Variants in CDH4 observed in about 807,000 individuals in gnomAD.
CDH4 encodes the protein cadherin-4.
In CDH4, 33 loss-of-function variants were observed where a neutral mutation model predicts 86.0. That is an observed-to-expected ratio of 0.38 (90% CI 0.29 to 0.51). The LOEUF (loss-of-function observed/expected upper bound fraction) is 0.51, where lower values mean the gene tolerates loss of function less well. CDH4 is among the 20% of genes least tolerant of loss of function. The pLI, the probability that CDH4 is intolerant of heterozygous loss-of-function variation, is 0.86. For synonymous variants in CDH4, 555 were observed against 549.4 expected, an observed-to-expected ratio of 1.01 and a Z score of -0.14; for missense variants, 1,114 against 1,307.4, an observed-to-expected ratio of 0.85 and a Z score of 2.28.
At chr20:61,565,639 G>A (rs78344014) in intron 2 of CDH4, among the ~76,000 whole-genome samples, 2,227 of 152,208 alleles carry the variant, frequency 0.015, 52 homozygotes, top group African/African-American at 0.051. Flanking sequence ...TCCAATGTCT[G>A]CATGCAGTTG....
At chr20:61,559,519 C>CTTTTTTTTTTTTTTTTTTTTTT (rs1156864328) in intron 2 of CDH4, among the ~76,000 whole-genome samples, 29 of 105,158 alleles carry the variant, frequency 2.8e-4, no homozygotes, top group Non-Finnish European at 3.6e-4. Flanking sequence ...ATTTTTTTTT[C>CTTTTTTTTTTTTTTTTTTTTTT]TTTTTTTTTT....
chr20:61,570,501 C>G, intron 2 of CDH4: 1 of 596,938 alleles, frequency 1.7e-6, no homozygotes, highest in Non-Finnish European at 3.0e-6. Context: ...AGCCCCTGCT[C>G]TCAAGGATGG....
chr20:61,881,398 G>A (rs1417057714), intron 7 of CDH4, among the ~76,000 whole-genome samples: 6 of 152,230 alleles, frequency 3.9e-5, no homozygotes, highest in South Asian at 2.1e-4. Context: ...GAGAGAAGCC[G>A]TGGCTGCGGA....
At chr20:61,634,739 G>C (rs934136479) in intron 2 of CDH4, among the ~76,000 whole-genome samples, 1 of 152,206 alleles carries the variant, frequency 6.6e-6, no homozygotes, top group Non-Finnish European at 1.5e-5. Flanking sequence ...TCACATAGCT[G>C]TGCGGACATC....
chr20:61,597,391 C>A (rs1216729526), intron 2 of CDH4, among the ~76,000 whole-genome samples: 3 of 152,220 alleles, frequency 2.0e-5, no homozygotes, highest in African/African-American at 7.2e-5. Flanking sequence ...TTGTGCCTGT[C>A]CCCACATCGT....
intron 2 of CDH4, among the ~76,000 whole-genome samples, chr20:61,670,132 C>T (rs1017914605): frequency 5.9e-5 from 9 of 152,202 alleles, no homozygotes; most frequent in Non-Finnish European, 8.8e-5. Flanking sequence ...AGTAGCTGGA[C>T]AGCATGGCTG....
chr20:61,742,129 A>C lies in CDH4; in HGVS notation c.170-1434A>C, dbSNP rs187226975. 6.4e-3 allele frequency among the ~76,000 whole-genome samples: 779 copies of C among 122,218 alleles called. 2 individuals are homozygous for C. Among genetic ancestry groups the C allele is most frequent in the Non-Finnish European group, 8.2e-3 (490 of 59,730 alleles). 80.2% of individuals were successfully genotyped at this position (122,218 alleles called of 152,430 possible). On this transcript the variant is annotated intron_variant, in intron 2 of 15. Coordinates refer to ENST00000614565, the MANE Select transcript of CDH4 (RefSeq NM_001794.5). Reference sequence around the variant, plus strand: ...CAGTTTGGAATTTTCCTGTCACTTCAAAAAAAAAAAATGTAATGATTCCGT... The same window carrying C: ...CAGTTTGGAATTTTCCTGTCACTTCCAAAAAAAAAAATGTAATGATTCCGT...
intron 4 of CDH4, among the ~76,000 whole-genome samples, chr20:61,820,802 T>C (rs935990209): frequency 6.6e-6 from 1 of 152,110 alleles, no homozygotes; most frequent in South Asian, 2.1e-4. Flanking sequence ...GCCCTGACCT[T>C]CAAACCTTCC....
chr20:61,376,376 C>T (rs1008619011), intron 2 of CDH4, among the ~76,000 whole-genome samples: 25 of 151,882 alleles, frequency 1.6e-4, no homozygotes, highest in Admixed American at 3.3e-4. Flanking sequence ...CAAGAGGAGC[C>T]GGAGCCATCT....
rs2054783744 is a variant in CDH4 at position 61,905,936 on chromosome 20, A to G, written c.1189-4486A>G. 2.6e-5 allele frequency among the ~76,000 whole-genome samples: 4 copies of G among 152,016 alleles called. No homozygotes were observed. In the South Asian group the frequency reaches 8.3e-4, roughly 32 times the overall value. ...TCTTGGAAAATCTCTCCCTTCAGGCATGGCTGGATCTAGGCTCCACCAGCT... is the reference window on the plus strand; with the variant it reads ...TCTTGGAAAATCTCTCCCTTCAGGCGTGGCTGGATCTAGGCTCCACCAGCT... On this transcript the variant is annotated intron_variant, in intron 8 of 15. Transcript: ENST00000614565.
intron 2 of CDH4, among the ~76,000 whole-genome samples, chr20:61,526,544 A>G (rs976558087): frequency 1.3e-5 from 2 of 151,210 alleles, no homozygotes; most frequent in African/African-American, 4.9e-5. Context: ...CATGTGCACA[A>G]TGTGCAGGTT....
intron 2 of CDH4, among the ~76,000 whole-genome samples, chr20:61,706,062 C>T (rs568717182): frequency 2.0e-5 from 3 of 152,306 alleles, no homozygotes; most frequent in Non-Finnish European, 2.9e-5. Context: ...GAGAGCAAGC[C>T]GTCCCACCCC....
intron 2 of CDH4, among the ~76,000 whole-genome samples, chr20:61,508,436 C>A (rs946370456): frequency 2.6e-5 from 4 of 152,176 alleles, no homozygotes; most frequent in African/African-American, 9.7e-5. Flanking sequence ...CTGTTGCGGT[C>A]GGCCCTGAGC....
At chr20:61,787,585 G>C (rs376616715) in intron 4 of CDH4, among the ~76,000 whole-genome samples, 3 of 152,180 alleles carry the variant, frequency 2.0e-5, no homozygotes, top group African/African-American at 7.2e-5. Context: ...TCAACCCCCA[G>C]GTGTGCTGTT....
chr20:61,799,553 A>G (rs968186713), intron 4 of CDH4, among the ~76,000 whole-genome samples: 5 of 152,128 alleles, frequency 3.3e-5, no homozygotes, highest in African/African-American at 9.7e-5. Context: ...TGGAGAGGCC[A>G]GGGGGCTGCT....
chr20:61,703,451 C>T lies in CDH4; in HGVS notation c.170-40112C>T, dbSNP rs543673668. Among the ~76,000 whole-genome samples the T allele has an allele frequency of 3.3e-5, 5 of 152,274 alleles. No individual in the cohort carries two copies. Among genetic ancestry groups the T allele is most frequent in the Admixed American group, 1.3e-4 (2 of 15,294 alleles). On this transcript the variant is annotated intron_variant, in intron 2 of 15. Transcript: ENST00000614565. This position sits in a 1 kb window ranked among gnomAD's most constrained non-coding sequence, Gnocchi z 4.3. ...GGGGACAGTGTGGCTGGGATATGGG[C>T]GGCCTTGCATTTGCAGAGTATTTAA...
intron 2 of CDH4, among the ~76,000 whole-genome samples, chr20:61,288,234 A>G (rs1824799905): frequency 6.6e-6 from 1 of 151,904 alleles, no homozygotes; most frequent in Admixed American, 6.6e-5. Context: ...GATTGGCTGT[A>G]TTTTCTGAGT....
rs553302351 is a variant in CDH4 at position 61,934,350 on chromosome 20, G to A, written c.2544+130G>A. ...TGGGTGGGAGGCAGCTCAGACCCGG[G>A]TTCCAGGCCCTGCTCTGCCCCTCCA... On this transcript the variant is annotated intron_variant, in intron 15 of 15. Coordinates refer to ENST00000614565, the MANE Select transcript of CDH4 (RefSeq NM_001794.5). The A allele has an allele frequency of 7.1e-6, 7 of 989,240 alleles. No individual in the cohort carries two copies. The African/African-American group carries it at 8.4e-5, about 12-fold the overall frequency. The allele number at this position is 989,240 out of a possible 1,614,324, so 61.3% of individuals were successfully genotyped here.
At chr20:61,672,375 G>T (rs1412518941) in intron 2 of CDH4, among the ~76,000 whole-genome samples, 1 of 152,124 alleles carries the variant, frequency 6.6e-6, no homozygotes, top group Non-Finnish European at 1.5e-5. Context: ...GCCAGGTGCT[G>T]TCCCTGTCCT....
Sources: gnomAD v4.1 joint callset for allele counts (sites outside exome capture counted in the v4.1 genomes callset) on GRCh38, gnomAD v4.1.1 for gene constraint, Gnocchi (gnomAD v3.1) non-coding constraint, MANE v1.5 for transcripts, NCBI Gene and HGNC (gene_info 2026-07-23, HGNC 2026-07-21) for gene names.